Variants in ERICH1 observed in about 807,000 individuals in gnomAD.
The protein encoded by ERICH1 is glutamate-rich protein 1.
A neutral mutation model predicts 39.6 loss-of-function variants in ERICH1; 56 were observed. The observed-to-expected ratio is 1.41, with a 90% CI of 1.14 to 1.77. The LOEUF is 1.77. Among genes scored for constraint, ERICH1 ranks in the 40% most tolerant of loss-of-function variants. The pLI, the probability that ERICH1 is intolerant of heterozygous loss-of-function variation, is 0.00. For missense variants in ERICH1, 826 were observed against 575.4 expected, an observed-to-expected ratio of 1.44 and a Z score of -4.45; for synonymous variants, 313 against 223.6, an observed-to-expected ratio of 1.40 and a Z score of -3.57.
chr8:677,668 A>G (rs962386585), intron 3 of ERICH1, among the ~76,000 whole-genome samples: 4 of 152,078 alleles, frequency 2.6e-5, no homozygotes, highest in African/African-American at 9.7e-5. Flanking sequence ...AATCCATTTT[A>G]ATTTCCCAGG....
At chr8:692,667 T>C in intron 2 of ERICH1, 55 bp from the exon 3 acceptor site, 7 of 1,504,324 alleles carry the variant, frequency 4.7e-6, no homozygotes, top group Non-Finnish European at 5.3e-6. Context: ...AATGCAGTCA[T>C]TTATTTGCCT....
Position 616,805 on chromosome 8 carries a change from G to C in ERICH1, c.977-1521C>G, listed in dbSNP as rs1392436077. On this transcript the variant is annotated intron_variant, in intron 3 of 3. Transcript: ENST00000522706. ...GAGGGAGAGAGATGGGGAAGAGAGG[G>C]GGGAGGAAGAGACGGGGGGAGAGAG... 2.5e-5 allele frequency among the ~76,000 whole-genome samples: 2 copies of C among 80,560 alleles called. 1 individual carries two copies. The highest frequency in any genetic ancestry group is 1.2e-4 in the African/African-American group (2 of 17,172). The allele number at this position is 80,560 out of a possible 152,430, so 52.9% of individuals were successfully genotyped here. A position where few individuals can be genotyped will look rare whatever the true frequency, so the allele number is the denominator to read the frequency against.
chr8:683,128 T>G (rs748344465), intron 3 of ERICH1, among the ~76,000 whole-genome samples: 1 of 152,224 alleles, frequency 6.6e-6, no homozygotes, highest in Non-Finnish European at 1.5e-5. Context: ...CACTCCGGCC[T>G]GCTGAGAAGC....
At chr8:704,476 A>G (rs1179200758) in intron 2 of ERICH1, among the ~76,000 whole-genome samples, 1 of 152,198 alleles carries the variant, frequency 6.6e-6, no homozygotes, top group African/African-American at 2.4e-5. Flanking sequence ...AAGAAAATGT[A>G]AAAATCCAAG....
At chr8:629,266 G>C (rs1797776732) in intron 3 of ERICH1, among the ~76,000 whole-genome samples, 1 of 152,054 alleles carries the variant, frequency 6.6e-6, no homozygotes. Flanking sequence ...GGAACACACA[G>C]ATGACCAACT....
intron 3 of ERICH1, among the ~76,000 whole-genome samples, chr8:687,759 C>T (rs1321004555): frequency 4.6e-5 from 7 of 152,100 alleles, no homozygotes; most frequent in Non-Finnish European, 1.0e-4. Context: ...GCCAGGCCCG[C>T]GGGGCCCTAG....
intron 3 of ERICH1, among the ~76,000 whole-genome samples, chr8:635,562 T>C (rs1260834566): frequency 2.0e-5 from 3 of 152,184 alleles, no homozygotes; most frequent in Non-Finnish European, 4.4e-5. Flanking sequence ...ACAGCTGTGG[T>C]CGACCTGGAC....
chr8:728,975 C>G (rs1019436784), intron 1 of ERICH1, among the ~76,000 whole-genome samples: 1 of 152,172 alleles, frequency 6.6e-6, no homozygotes, highest in Admixed American at 6.5e-5. Flanking sequence ...AACCTTTCCA[C>G]CTCATGTTTC....
intron 5 of ERICH1, 88 bp from the exon 6 acceptor site, chr8:664,764 GC>G: frequency 9.1e-7 from 1 of 1,093,330 alleles, no homozygotes. Flanking sequence ...GAGCCTTTGG[GC>G]CCAAAGTGAA....
chr8:656,300 G>A (rs774381304), intron 3 of ERICH1, among the ~76,000 whole-genome samples: 16 of 152,164 alleles, frequency 1.1e-4, no homozygotes, highest in Non-Finnish European at 2.1e-4. Flanking sequence ...TTCGAAATCT[G>A]CAAGTCACCT....
chr8:671,286 C>G (rs13281948), intron 4 of ERICH1, among the ~76,000 whole-genome samples: 1 of 139,390 alleles, frequency 7.2e-6, no homozygotes, highest in Admixed American at 7.4e-5. Flanking sequence ...CGCGCTGGTC[C>G]CCAGGCTCCG....
At chr8:698,803 G>A (rs918586027) in intron 2 of ERICH1, among the ~76,000 whole-genome samples, 1 of 151,914 alleles carries the variant, frequency 6.6e-6, no homozygotes, top group African/African-American at 2.4e-5. Flanking sequence ...CCATTTTGCT[G>A]GAAAAAGTGC....
At chr8:662,333 T>A (rs528015897), downstream of ERICH1, among the ~76,000 whole-genome samples, 3 of 152,372 alleles carry the variant, frequency 2.0e-5, no homozygotes, top group African/African-American at 7.2e-5. Context: ...TTTTCATATT[T>A]GCAAAGCATG....
chr8:615,195 G>T (rs576988377), exon 4 of ERICH1: 1 of 658,878 alleles, frequency 1.5e-6, no homozygotes, highest in Admixed American at 2.6e-5. Flanking sequence ...TCTTGACCTG[G>T]AATTGTCCAA....
At chr8:708,821 G>A (rs1243296300) in intron 2 of ERICH1, among the ~76,000 whole-genome samples, 2 of 149,700 alleles carry the variant, frequency 1.3e-5, no homozygotes, top group African/African-American at 4.9e-5. Flanking sequence ...AGCCTCTTGA[G>A]TAGCTGCGAT....
In ERICH1 at chr8:692,497, G is replaced by A. The variant is rs1809126935; in HGVS notation, c.285C>T (p.Ser95=). 6.2e-7 allele frequency: 1 copy of A among 1,613,980 alleles called. No homozygotes were observed. The highest frequency in any genetic ancestry group is 8.5e-7 in the Non-Finnish European group (1 of 1,179,996). ...TTTTACCTTCTGTGTCATCCCCGCT[G>A]GAGGCGTTCTCGGGGCTCCCACAGC... ...PSSCGSPENA[S]SGDDTEDQDP... Residue 95 remains serine, a synonymous_variant, in exon 3 of 6, where the codon TCC becomes TCT. Coordinates refer to ENST00000262109, the MANE Select transcript of ERICH1 (RefSeq NM_207332.3).
downstream of ERICH1, among the ~76,000 whole-genome samples, chr8:664,040 T>A (rs2131772766): frequency 6.6e-6 from 1 of 152,318 alleles, no homozygotes; most frequent in Admixed American, 6.5e-5. Context: ...ATTACAGGCG[T>A]GAGCCACCGC....
chr8:637,113 C>T (rs89975), intron 3 of ERICH1, among the ~76,000 whole-genome samples: 24,673 of 152,258 alleles, frequency 0.16, 2,563 homozygotes, highest in East Asian at 0.36. Context: ...CACGTTTCTG[C>T]TTCTCTCTTC....
chr8:630,275 G>A (rs1227293073), intron 3 of ERICH1, among the ~76,000 whole-genome samples: 27 of 54,002 alleles, frequency 5.0e-4, no homozygotes, highest in Admixed American at 1.5e-3. Context: ...CCACCCACAG[G>A]CAGAGGTGAC....
Sources: gnomAD v4.1 joint callset for allele counts (sites outside exome capture counted in the v4.1 genomes callset) on GRCh38, gnomAD v4.1.1 for gene constraint, MANE v1.5 for transcripts, NCBI Gene and HGNC (gene_info 2026-07-23, HGNC 2026-07-21) for gene names.